CHCHD6: variants seen among roughly 807,000 people sequenced by gnomAD.
CHCHD6 encodes coiled-coil-helix-coiled-coil-helix domain containing 6.
A neutral mutation model predicts 32.3 loss-of-function variants in CHCHD6; 28 were observed. The observed-to-expected ratio is 0.87, with a 90% confidence interval of 0.64 to 1.19. The LOEUF is 1.19. Ranked by LOEUF, CHCHD6 falls within the 50% of genes most tolerant of loss-of-function variation. The pLI, the probability that CHCHD6 is intolerant of heterozygous loss-of-function variation, is 0.00. For missense variants in CHCHD6, 333 were observed against 307.0 expected (o/e 1.08, Z -0.63); for synonymous variants, 122 against 117.5 (o/e 1.04, Z -0.25).
At chr3:126,788,125 G>A (rs1251820088) in intron 4 of CHCHD6, among the ~76,000 whole-genome samples, 1 of 152,128 alleles carries the variant, frequency 6.6e-6, no homozygotes, top group East Asian at 1.9e-4. Context: ...GATGGATTAT[G>A]TTTATTGATT....
chr3:126,721,994 G>T (rs1338127620), intron 1 of CHCHD6, among the ~76,000 whole-genome samples: 9 of 152,134 alleles, frequency 5.9e-5, no homozygotes, highest in Non-Finnish European at 1.2e-4. Flanking sequence ...CCATTCATTG[G>T]TTGATGAACA....
At chr3:126,797,897 C>T (rs965026114) in intron 4 of CHCHD6, among the ~76,000 whole-genome samples, 12 of 152,172 alleles carry the variant, frequency 7.9e-5, no homozygotes, top group African/African-American at 1.4e-4. Flanking sequence ...AGTAACAGGG[C>T]GCCTCCGTGC....
intron 4 of CHCHD6, among the ~76,000 whole-genome samples, chr3:126,741,769 G>A (rs538751071): frequency 2.2e-4 from 34 of 152,272 alleles, no homozygotes; most frequent in East Asian, 5.8e-4. Flanking sequence ...GACCAATGCC[G>A]GGAGCCATTG....
At chr3:126,887,722 C>T (rs1436009408) in intron 5 of CHCHD6, among the ~76,000 whole-genome samples, 1 of 152,156 alleles carries the variant, frequency 6.6e-6, no homozygotes, top group East Asian at 1.9e-4. Context: ...GGTGGCCTCC[C>T]GGAAACACCG....
At chr3:126,870,067 T>C (rs761334802) in intron 5 of CHCHD6, among the ~76,000 whole-genome samples, 1 of 152,216 alleles carries the variant, frequency 6.6e-6, no homozygotes, top group Non-Finnish European at 1.5e-5. Context: ...CTGGGTCAGA[T>C]TCTTGTCCTC....
intron 5 of CHCHD6, among the ~76,000 whole-genome samples, chr3:126,865,136 C>CTTT (rs1942236634): frequency 9.0e-5 from 10 of 111,536 alleles, no homozygotes; most frequent in South Asian, 2.8e-4. Flanking sequence ...CCTCCTCCTC[C>CTTT]ACCACCACCT....
intron 5 of CHCHD6, among the ~76,000 whole-genome samples, chr3:126,875,705 C>T (rs928494524): frequency 6.6e-6 from 1 of 152,232 alleles, no homozygotes; most frequent in African/African-American, 2.4e-5. Context: ...AGGGTTTAGA[C>T]TCTAACCCGG....
At chr3:126,797,935 G>A (rs899082690) in intron 4 of CHCHD6, among the ~76,000 whole-genome samples, 1 of 152,172 alleles carries the variant, frequency 6.6e-6, no homozygotes, top group African/African-American at 2.4e-5. Flanking sequence ...CCTCCTTGTC[G>A]AGGGAGGGTT....
At chr3:126,871,030 A>C (rs544778471) in intron 5 of CHCHD6, among the ~76,000 whole-genome samples, 41 of 152,316 alleles carry the variant, frequency 2.7e-4, no homozygotes, top group African/African-American at 9.9e-4. Context: ...CATCTGGGTC[A>C]GGAGATTTGG....
intron 4 of CHCHD6, chr3:126,780,271 G>C: frequency 2.5e-6 from 1 of 394,416 alleles, no homozygotes; most frequent in South Asian, 2.0e-5. Context: ...CTAAGGGAGG[G>C]TTTCTCCCAC....
intron 4 of CHCHD6, among the ~76,000 whole-genome samples, chr3:126,810,951 G>A (rs1559858428): frequency 2.0e-5 from 3 of 152,256 alleles, no homozygotes; most frequent in East Asian, 1.9e-4. Flanking sequence ...TCCTGTAGGC[G>A]GGACCACCAG....
At chr3:126,811,543 G>A (rs1466349726) in intron 4 of CHCHD6, among the ~76,000 whole-genome samples, 3 of 151,758 alleles carry the variant, frequency 2.0e-5, no homozygotes, top group Non-Finnish European at 4.4e-5. Context: ...TCCTTTGAGT[G>A]TGGCCACTTT....
At chr3:126,916,701 C>T (rs886483406) in intron 6 of CHCHD6, among the ~76,000 whole-genome samples, 10 of 152,336 alleles carry the variant, frequency 6.6e-5, no homozygotes, top group South Asian at 4.1e-4. Context: ...GGGTTCCCCC[C>T]GGTATGTCCT....
chr3:126,761,094 C>T (rs534457867), intron 4 of CHCHD6, among the ~76,000 whole-genome samples: 2 of 152,204 alleles, frequency 1.3e-5, no homozygotes, highest in Non-Finnish European at 2.9e-5. Flanking sequence ...CCTCCCAAAG[C>T]GTTAGGATTA....
At chr3:126,785,932 C>T (rs1168434781) in intron 4 of CHCHD6, among the ~76,000 whole-genome samples, 4 of 152,186 alleles carry the variant, frequency 2.6e-5, no homozygotes, top group African/African-American at 9.7e-5. Context: ...CACCCATAAA[C>T]TTGTCATTTA....
intron 6 of CHCHD6, among the ~76,000 whole-genome samples, chr3:126,920,732 G>A (rs560041270): frequency 6.6e-6 from 1 of 152,048 alleles, no homozygotes; most frequent in South Asian, 2.1e-4. Flanking sequence ...CTATCATCCT[G>A]TGAGACTGCC....
chr3:126,731,448 C>T (rs1445092010), intron 3 of CHCHD6, among the ~76,000 whole-genome samples: 1 of 152,218 alleles, frequency 6.6e-6, no homozygotes, highest in African/African-American at 2.4e-5. Flanking sequence ...TGAAATATCA[C>T]TGCATCTAAG....
chr3:126,908,621 T>G (rs145388663), intron 5 of CHCHD6, among the ~76,000 whole-genome samples: 376 of 152,256 alleles, frequency 2.5e-3, no homozygotes, highest in Non-Finnish European at 3.7e-3. Context: ...CAAGCTAAAG[T>G]CCCTATCTGT....
At chr3:126,909,636 T>C (rs934215375) in intron 5 of CHCHD6, among the ~76,000 whole-genome samples, 1 of 152,198 alleles carries the variant, frequency 6.6e-6, no homozygotes, top group African/African-American at 2.4e-5. Context: ...GCCTCCTGCT[T>C]TCAGATGTGC....
Sources: allele counts gnomAD v4.1 joint callset (sites outside exome capture counted in the v4.1 genomes callset), GRCh38; gene constraint gnomAD v4.1.1; transcripts MANE v1.5; gene names NCBI Gene and HGNC (gene_info 2026-07-23, HGNC 2026-07-21).